Variants in LAMA1 observed in about 807,000 individuals in gnomAD.
The protein encoded by LAMA1 is laminin subunit alpha 1, also known as laminin subunit alpha-1.
Under a neutral mutation model 348.7 loss-of-function variants are expected in LAMA1, and 219 were observed. The observed-to-expected ratio is 0.63, with a 90% confidence interval of 0.56 to 0.70. The LOEUF (loss-of-function observed/expected upper bound fraction) is 0.70, where lower values mean the gene tolerates loss of function less well. Ranked by LOEUF, LAMA1 falls within the 30% of genes least tolerant of loss-of-function variation. The pLI is 0.00. For missense variants in LAMA1, 3,744 were observed against 3,888.0 expected (o/e 0.96, Z 0.99); for synonymous variants, 1,487 against 1,491.0 (o/e 1.00, Z 0.06).
chr18:7,087,053 A>T (rs1304920333), intron 1 of LAMA1, among the ~76,000 whole-genome samples: 1 of 152,126 alleles, frequency 6.6e-6, no homozygotes, highest in Non-Finnish European at 1.5e-5. Context: ...TAGAGAGAAA[A>T]ATTATTATTC....
intron 1 of LAMA1, among the ~76,000 whole-genome samples, chr18:7,108,498 T>C (rs2058322982): frequency 6.6e-6 from 1 of 151,366 alleles, no homozygotes; most frequent in Non-Finnish European, 1.5e-5. Context: ...CTGTCTCTAC[T>C]AAAAATACAA....
At chr18:7,003,889 G>A (rs2057819997) in intron 29 of LAMA1, among the ~76,000 whole-genome samples, 1 of 152,064 alleles carries the variant, frequency 6.6e-6, no homozygotes, top group Non-Finnish European at 1.5e-5. Flanking sequence ...TCCCTGATGA[G>A]GATAAATTTT....
intron 24 of LAMA1, among the ~76,000 whole-genome samples, 172 bp downstream of exon 24, chr18:7,011,823 C>T (rs1468434654): frequency 6.6e-6 from 1 of 152,216 alleles, no homozygotes; most frequent in African/African-American, 2.4e-5. Flanking sequence ...TTTACTTCCT[C>T]GGCCAGCAGA....
At chr18:7,014,932 C>T (rs996308080) in intron 22 of LAMA1, among the ~76,000 whole-genome samples, 7 of 152,050 alleles carry the variant, frequency 4.6e-5, no homozygotes, top group South Asian at 2.1e-4. Flanking sequence ...CTGCAAGCTC[C>T]GCCTCCCGGG....
chr18:6,988,974 G>A (rs2057747560), intron 36 of LAMA1, among the ~76,000 whole-genome samples: 1 of 152,170 alleles, frequency 6.6e-6, no homozygotes. Context: ...GAGGTGGGCT[G>A]CGTTCCCACT....
intron 33 of LAMA1, among the ~76,000 whole-genome samples, chr18:6,996,708 G>A (rs2057782834): frequency 6.6e-6 from 1 of 152,088 alleles, no homozygotes; most frequent in Non-Finnish European, 1.5e-5. Flanking sequence ...GAGCTATGGA[G>A]GTTAAGGCTG....
intron 57 of LAMA1, among the ~76,000 whole-genome samples, chr18:6,953,066 G>C (rs970009057): frequency 6.8e-6 from 1 of 146,524 alleles, no homozygotes; most frequent in African/African-American, 2.5e-5. Flanking sequence ...GCGGATCCAC[G>C]CCATGGGAGC....
intron 1 of LAMA1, among the ~76,000 whole-genome samples, chr18:7,086,541 TATC>T (rs2058218112): frequency 6.6e-6 from 1 of 152,052 alleles, no homozygotes; most frequent in South Asian, 2.1e-4. Context: ...CCACTGCACT[TATC>T]ATTCATACAG....
intron 16 of LAMA1, 30 bp downstream of exon 16, chr18:7,032,036 A>G (rs1598289207): frequency 6.4e-7 from 1 of 1,559,126 alleles, no homozygotes; most frequent in African/African-American, 1.4e-5. Flanking sequence ...TGAGGAGGAG[A>G]GGGCACCTGA....
chr18:6,943,727 C>A (rs2143960208), intron 61 of LAMA1, among the ~76,000 whole-genome samples: 1 of 151,500 alleles, frequency 6.6e-6, no homozygotes, highest in African/African-American at 2.4e-5. Flanking sequence ...CCTGTAATCC[C>A]AGCAACTCAG....
chr18:7,000,309 A>C (rs1194620234), intron 30 of LAMA1, among the ~76,000 whole-genome samples: 1 of 152,242 alleles, frequency 6.6e-6, no homozygotes, highest in African/African-American at 2.4e-5. Flanking sequence ...TGTCCCAAGG[A>C]AAAAGGGTCT....
intron 30 of LAMA1, 105 bp downstream of exon 30, chr18:7,002,159 A>G: frequency 7.0e-7 from 1 of 1,425,128 alleles, no homozygotes; most frequent in African/African-American, 1.4e-5. Flanking sequence ...CAACCAATGG[A>G]GAATATTCAT....
Position 6,999,763 on chromosome 18 carries a change from CT to C in LAMA1, c.4470-126del, listed in dbSNP as rs200961561. 4.0e-3 allele frequency: 4,683 copies of C among 1,173,362 alleles called. 145 individuals carry two copies. In the African/African-American group the frequency reaches 0.065, roughly 16 times the overall value. 72.7% of individuals were successfully genotyped at this position (1,173,362 alleles called of 1,614,324 possible). Reference sequence around the variant, plus strand: ...TCCATTCACCTTGGGAAAACTTGTTCTGGAACAGTAATGAGGTCTTATTTCA... The same window carrying C: ...TCCATTCACCTTGGGAAAACTTGTTCGGAACAGTAATGAGGTCTTATTTCA... On this transcript the variant is annotated intron_variant, in intron 31 of 62. Coordinates refer to ENST00000389658, the MANE Select transcript of LAMA1 (RefSeq NM_005559.4).
chr18:7,068,604 C>A (rs6506470), intron 3 of LAMA1, among the ~76,000 whole-genome samples: 104,190 of 152,072 alleles, frequency 0.69, 37,818 homozygotes, highest in East Asian at 0.93. Flanking sequence ...CTGCTATTAT[C>A]TGTTACTAGT....
intron 42 of LAMA1, among the ~76,000 whole-genome samples, chr18:6,979,715 CG>C (rs920641445): frequency 2.0e-5 from 3 of 151,540 alleles, no homozygotes; most frequent in Non-Finnish European, 2.9e-5. Context: ...CTGGCTAACA[CG>C]GTGAAACCCC....
At chr18:6,956,932 G>A in intron 55 of LAMA1, 167 bp from the exon 56 acceptor site, 1 of 717,488 alleles carries the variant, frequency 1.4e-6, no homozygotes, top group South Asian at 1.7e-5. Context: ...GTCCAAACAT[G>A]CTATCTTAAT....
chr18:7,044,901 A>C, intron 6 of LAMA1, 62 bp from the exon 7 acceptor site: 1 of 1,252,226 alleles, frequency 8.0e-7, no homozygotes, highest in Non-Finnish European at 1.2e-6. Context: ...TCTTAATTTC[A>C]TGGTAAAAAG....
Position 7,013,884 on chromosome 18 carries a change from C to A in LAMA1, c.3294G>T (p.Ser1098=), listed in dbSNP as rs149157836. 6.2e-7 allele frequency: 1 copy of A among 1,612,700 alleles called. No homozygotes were observed. ...CCTGCTCCAGGTTGCAGGCGTCCCC[C>A]GACGTCCCCCTCAGGTCACAGTCAC... is the stretch of plus-strand genomic sequence containing the variant. ...VPCDCDLRGT[S]GDACNLEQGL... is the part of the protein sequence containing the mutation. The change falls in exon 23 of 63, where the codon TCG becomes TCT. Residue 1098 remains serine (S), a synonymous_variant. Transcript: ENST00000389658.
At chr18:6,983,526 C>T (rs545822811) in intron 39 of LAMA1, among the ~76,000 whole-genome samples, 1 of 152,312 alleles carries the variant, frequency 6.6e-6, no homozygotes, top group East Asian at 1.9e-4. Flanking sequence ...CCACCAGCTG[C>T]CCTCAGCATT....
Sources: gnomAD v4.1 joint callset for allele counts (sites outside exome capture counted in the v4.1 genomes callset) on GRCh38, gnomAD v4.1.1 for gene constraint, MANE v1.5 for transcripts, NCBI Gene and HGNC (gene_info 2026-07-23, HGNC 2026-07-21) for gene names.